LOC128706665: variants seen among roughly 807,000 people sequenced by gnomAD.
At chr20:10,424,331 G>T in the LOC128706665 span, among the ~76,000 whole-genome samples, 1 of 152,004 alleles carries the variant, frequency 6.6e-6, no homozygotes, top group African/African-American at 2.4e-5. Context: ...TCAGGCAGGG[G>T]GACTGCTTGA....
At chr20:10,419,632 C>G in the LOC128706665 span, among the ~76,000 whole-genome samples, 2 of 152,038 alleles carry the variant, frequency 1.3e-5, no homozygotes. Flanking sequence ...CACAATACTC[C>G]TGTGCTTTGG....
At chr20:10,423,486 T>A in the LOC128706665 span, among the ~76,000 whole-genome samples, 1 of 152,114 alleles carries the variant, frequency 6.6e-6, no homozygotes, top group African/African-American at 2.4e-5. Context: ...AAAATTGAGA[T>A]TTGTAACTCA....
chr20:10,414,218 T>C, the LOC128706665 span, among the ~76,000 whole-genome samples: 1 of 151,510 alleles, frequency 6.6e-6, no homozygotes, highest in South Asian at 2.1e-4. Flanking sequence ...GGCATGCTTC[T>C]AGGAGAGAAA....
the LOC128706665 span, among the ~76,000 whole-genome samples, chr20:10,424,921 C>T: frequency 6.6e-6 from 1 of 151,900 alleles, no homozygotes; most frequent in South Asian, 2.1e-4. Context: ...GGTGTGGTGG[C>T]AGGCGCCTGT....
the LOC128706665 span, among the ~76,000 whole-genome samples, chr20:10,422,191 A>G: frequency 6.6e-6 from 1 of 152,156 alleles, no homozygotes; most frequent in Non-Finnish European, 1.5e-5. Context: ...TTTCTCCCAA[A>G]GGTCTCAATT....
the LOC128706665 span, among the ~76,000 whole-genome samples, chr20:10,420,371 A>C: frequency 6.6e-6 from 1 of 152,208 alleles, no homozygotes; most frequent in Non-Finnish European, 1.5e-5. Context: ...GAACTTTTCT[A>C]GAAACAACTG....
the LOC128706665 span, among the ~76,000 whole-genome samples, chr20:10,430,187 G>A: frequency 6.6e-6 from 1 of 152,320 alleles, no homozygotes; most frequent in South Asian, 2.1e-4. Context: ...CCAGTTTTCA[G>A]AAAGTCAAGC....
the LOC128706665 span, among the ~76,000 whole-genome samples, chr20:10,428,398 A>T: frequency 3.3e-5 from 5 of 152,264 alleles, no homozygotes; most frequent in African/African-American, 9.6e-5. Context: ...TAAAGAGCCC[A>T]TTTCTACCCT....
At chr20:10,427,868 C>G in the LOC128706665 span, among the ~76,000 whole-genome samples, 1 of 152,320 alleles carries the variant, frequency 6.6e-6, no homozygotes, top group Non-Finnish European at 1.5e-5. Context: ...ATCCTACCAC[C>G]TTCCCCACCA....
At chr20:10,427,029 G>GACACAGAC in the LOC128706665 span, among the ~76,000 whole-genome samples, 1 of 130,724 alleles carries the variant, frequency 7.6e-6, no homozygotes, top group South Asian at 2.6e-4. Flanking sequence ...AGAAAACACT[G>GACACAGAC]ACACACACAC....
At chr20:10,431,291 T>G in the LOC128706665 span, among the ~76,000 whole-genome samples, 1 of 152,116 alleles carries the variant, frequency 6.6e-6, no homozygotes, top group Non-Finnish European at 1.5e-5. Context: ...CCAAACACAG[T>G]CATGTATCCC....
chr20:10,414,691 CAA>C, the LOC128706665 span, among the ~76,000 whole-genome samples: 1 of 152,120 alleles, frequency 6.6e-6, no homozygotes, highest in Non-Finnish European at 1.5e-5. Flanking sequence ...GCATTTATAT[CAA>C]GTCATGTTTG....
At chr20:10,415,665 T>A in the LOC128706665 span, among the ~76,000 whole-genome samples, 30 of 152,248 alleles carry the variant, frequency 2.0e-4, no homozygotes, top group Non-Finnish European at 3.4e-4. Flanking sequence ...GTGACTTCTA[T>A]ATGTTAATTT....
the LOC128706665 span, among the ~76,000 whole-genome samples, chr20:10,414,544 C>G: frequency 6.6e-6 from 1 of 152,084 alleles, no homozygotes; most frequent in Non-Finnish European, 1.5e-5. Context: ...GGATTACAAG[C>G]GTGAGCCACT....
At chr20:10,424,945 C>A in the LOC128706665 span, among the ~76,000 whole-genome samples, 2 of 151,430 alleles carry the variant, frequency 1.3e-5, no homozygotes, top group African/African-American at 4.9e-5. Context: ...CCCAGCTACT[C>A]GGGAGGCTGA....
the LOC128706665 span, chr20:10,433,960 G>A: frequency 6.6e-6 from 1 of 152,296 alleles, no homozygotes; most frequent in Non-Finnish European, 1.5e-5. Flanking sequence ...CAGAGAGCCA[G>A]CCTCCTCCTT....
the LOC128706665 span, among the ~76,000 whole-genome samples, chr20:10,433,818 G>A: frequency 1.3e-5 from 2 of 152,328 alleles, no homozygotes; most frequent in East Asian, 1.9e-4. Context: ...CGGCAGCGCA[G>A]GTGGGAGCGT....
At chr20:10,425,048 C>T in the LOC128706665 span, among the ~76,000 whole-genome samples, 17 of 142,366 alleles carry the variant, frequency 1.2e-4, no homozygotes, top group East Asian at 7.2e-4. Context: ...AGCTAAACTC[C>T]GTCTCAAAAA....
At chr20:10,415,086 G>T in the LOC128706665 span, among the ~76,000 whole-genome samples, 2 of 152,114 alleles carry the variant, frequency 1.3e-5, no homozygotes, top group Non-Finnish European at 2.9e-5. Flanking sequence ...CCTTAACAAG[G>T]TAGTGTCCTT....
Sources: gnomAD v4.1 joint callset for allele counts (sites outside exome capture counted in the v4.1 genomes callset) on GRCh38, gnomAD v4.1.1 for gene constraint, MANE v1.5 for transcripts.